Variants in PCMTD1 observed in about 807,000 individuals in gnomAD.
PCMTD1 encodes protein-L-isoaspartate O-methyltransferase domain-containing protein 1.
PCMTD1 carries 12 observed loss-of-function variants against 37.6 expected under a neutral mutation model. The observed-to-expected ratio is 0.32, with a 90% confidence interval of 0.20 to 0.52. PCMTD1 has a LOEUF of 0.52. PCMTD1 is among the 20% of genes least tolerant of loss of function. The pLI is 0.97. For synonymous variants in PCMTD1, 117 were observed against 135.8 expected (o/e 0.86, Z 0.96); for missense variants, 235 against 421.3 (o/e 0.56, Z 3.87).
chr8:51,834,543 AT>A (rs2038040686), intron 3 of PCMTD1, among the ~76,000 whole-genome samples: 2 of 152,218 alleles, frequency 1.3e-5, no homozygotes, highest in African/African-American at 4.8e-5. Flanking sequence ...TTTAAAATTA[AT>A]TCGTATCCTT....
chr8:51,864,502 G>A (rs1197601328), intron 1 of PCMTD1, among the ~76,000 whole-genome samples: 6 of 152,142 alleles, frequency 3.9e-5, no homozygotes, highest in Non-Finnish European at 8.8e-5. Context: ...ATTTAAGACT[G>A]AAATGATACC....
At chr8:51,892,029 C>A (rs1386436266) in intron 1 of PCMTD1, among the ~76,000 whole-genome samples, 1 of 152,078 alleles carries the variant, frequency 6.6e-6, no homozygotes, top group African/African-American at 2.4e-5. Context: ...GTTAAAAAAC[C>A]ATTACCCCAG....
chr8:51,887,437 A>C (rs1314736591), intron 1 of PCMTD1, among the ~76,000 whole-genome samples: 1 of 152,192 alleles, frequency 6.6e-6, no homozygotes, highest in Admixed American at 6.5e-5. Context: ...CAGAAGAAAT[A>C]TGCTTATTAT....
At chr8:51,833,449 A>C (rs931642238) in intron 4 of PCMTD1, 69 bp downstream of exon 4, 1 of 1,310,310 alleles carries the variant, frequency 7.6e-7, no homozygotes, top group African/African-American at 1.5e-5. Context: ...TTCACTGAAT[A>C]AAATTTCTTA....
intron 1 of PCMTD1, among the ~76,000 whole-genome samples, chr8:51,884,679 G>A (rs1322387380): frequency 6.6e-6 from 1 of 152,198 alleles, no homozygotes; most frequent in Non-Finnish European, 1.5e-5. Flanking sequence ...GCACGAGGAT[G>A]CTGCAGTGCA....
chr8:51,888,067 T>C (rs75732613), intron 1 of PCMTD1, among the ~76,000 whole-genome samples: 3,781 of 152,274 alleles, frequency 0.025, 165 homozygotes, highest in African/African-American at 0.086. Context: ...TCTAATATCT[T>C]ACTCTATTAG....
At chr8:51,838,547 T>C (rs995177281) in intron 3 of PCMTD1, among the ~76,000 whole-genome samples, 1 of 152,102 alleles carries the variant, frequency 6.6e-6, no homozygotes, top group Admixed American at 6.6e-5. Context: ...TATTTATATA[T>C]GTGAATAACT....
chr8:51,858,493 C>G (rs1338447847), intron 2 of PCMTD1, among the ~76,000 whole-genome samples: 1 of 152,170 alleles, frequency 6.6e-6, no homozygotes, highest in Non-Finnish European at 1.5e-5. Context: ...GAGCATCCTC[C>G]TCTGGATCCA....
At chr8:51,878,990 G>A (rs765591094) in intron 1 of PCMTD1, among the ~76,000 whole-genome samples, 4 of 152,088 alleles carry the variant, frequency 2.6e-5, no homozygotes, top group Admixed American at 6.6e-5. Flanking sequence ...GCCAGGTGTG[G>A]TAATGTGCAC....
At chr8:51,889,865 CGTGTGTGTGTGTGT>C (rs3075018) in intron 1 of PCMTD1, among the ~76,000 whole-genome samples, 3 of 149,028 alleles carry the variant, frequency 2.0e-5, no homozygotes, top group African/African-American at 7.5e-5. Flanking sequence ...TAAGGATATA[CGTGTGTGTGTGTGT>C]GTGTGTGTGT....
chr8:51,826,808 A>C (rs2037927501), intron 5 of PCMTD1: 1 of 625,166 alleles, frequency 1.6e-6, no homozygotes, highest in East Asian at 1.4e-4. Context: ...CCTGAACTTT[A>C]AACAATGCAT....
chr8:51,833,627 T>C lies in PCMTD1; in HGVS notation c.473A>G (p.His158Arg). 1.2e-6 allele frequency: 2 copies of C among 1,612,538 alleles called. No individual in the cohort carries two copies. The highest frequency in any genetic ancestry group is 1.7e-6 in the Non-Finnish European group (2 of 1,179,650). The change falls in exon 4 of 6, where the codon CAT (histidine) becomes CGT (arginine). Residue 158 changes from histidine (H) to arginine (R), a missense_variant. Physicochemically the swap from His to Arg is conservative, Grantham distance 29 (BLOSUM62 0). Coordinates refer to ENST00000522514, the MANE Select transcript of PCMTD1 (RefSeq NM_052937.4). ...TCCACAATAAATTCGATCATACTGA[T>C]GACTGTCAGAAGCTATCTGGAGGCA... Reference protein sequence around the residue: ...GNCLQIASDSHQYDRIYCGAG... With the variant: ...GNCLQIASDSRQYDRIYCGAG...
intron 5 of PCMTD1, among the ~76,000 whole-genome samples, chr8:51,825,858 T>C (rs998172779): frequency 6.6e-6 from 1 of 152,252 alleles, no homozygotes; most frequent in East Asian, 1.9e-4. Context: ...AAACAACAGA[T>C]GCTCGAGAGG....
chr8:51,887,694 C>T (rs982026846), intron 1 of PCMTD1, among the ~76,000 whole-genome samples: 2 of 150,298 alleles, frequency 1.3e-5, no homozygotes, highest in African/African-American at 4.9e-5. Flanking sequence ...AAAAAGAGTA[C>T]GCTCAGTCCC....
chr8:51,889,399 G>C (rs1243543533), intron 1 of PCMTD1, among the ~76,000 whole-genome samples: 2 of 152,086 alleles, frequency 1.3e-5, no homozygotes, highest in African/African-American at 4.8e-5. Context: ...TCATGTAACA[G>C]CATTATTTTT....
chr8:51,845,981 T>C (rs540867010), intron 2 of PCMTD1, among the ~76,000 whole-genome samples: 1 of 152,194 alleles, frequency 6.6e-6, no homozygotes, highest in East Asian at 1.9e-4. Flanking sequence ...GAGTTTTCTA[T>C]CAAAAACTAC....
chr8:51,885,307 G>T (rs1237491901), intron 1 of PCMTD1, among the ~76,000 whole-genome samples: 4 of 152,160 alleles, frequency 2.6e-5, no homozygotes, highest in Non-Finnish European at 5.9e-5. Context: ...TTAAACACCT[G>T]TCACCACATT....
At chr8:51,850,041 T>C (rs2038282021) in intron 2 of PCMTD1, 2 of 701,906 alleles carry the variant, frequency 2.8e-6, no homozygotes, top group Non-Finnish European at 5.2e-6. Context: ...GAAGATGAAA[T>C]AATTCAAGAT....
At chr8:51,847,277 T>C (rs1366999054) in intron 2 of PCMTD1, among the ~76,000 whole-genome samples, 4 of 152,224 alleles carry the variant, frequency 2.6e-5, no homozygotes. Flanking sequence ...TGAATTTCCA[T>C]AGATGTCAAC....
Sources: allele counts gnomAD v4.1 joint callset (sites outside exome capture counted in the v4.1 genomes callset), GRCh38; gene constraint gnomAD v4.1.1; transcripts MANE v1.5; gene names NCBI Gene and HGNC (gene_info 2026-07-23, HGNC 2026-07-21).